Variants in NELL1 observed in about 807,000 individuals in gnomAD.
NELL1 encodes the protein neural EGFL like 1, also known as protein kinase C-binding protein NELL1.
Under a neutral mutation model 107.4 loss-of-function variants are expected in NELL1, and 76 were observed. The ratio of observed to expected loss-of-function variants is 0.71; its 90% CI spans 0.59 to 0.86. The LOEUF is 0.86. Ranked by LOEUF, NELL1 falls within the 40% of genes least tolerant of loss-of-function variation. NELL1 has a pLI of 0.00. For synonymous variants in NELL1, 353 were observed against 341.2 expected (o/e 1.03, Z -0.38); for missense variants, 1,024 against 1,005.5 (o/e 1.02, Z -0.25).
intron 3 of NELL1, among the ~76,000 whole-genome samples, chr11:20,809,442 C>T (rs1857452967): frequency 1.3e-5 from 2 of 151,984 alleles, no homozygotes; most frequent in African/African-American, 4.8e-5. Flanking sequence ...TTTAGTTATC[C>T]AACTATAAAA....
chr11:20,880,524 G>A (rs758354391), intron 4 of NELL1, among the ~76,000 whole-genome samples: 65 of 152,138 alleles, frequency 4.3e-4, no homozygotes, highest in Admixed American at 5.2e-4. Context: ...ACTGCGATAC[G>A]AACCCAAACA....
chr11:21,099,795 A>G (rs1854759062), intron 12 of NELL1, among the ~76,000 whole-genome samples: 1 of 152,148 alleles, frequency 6.6e-6, no homozygotes. Context: ...CAGCTATGTG[A>G]CATTCAGCTA....
chr11:20,975,493 A>G (rs1851586735), intron 12 of NELL1, among the ~76,000 whole-genome samples: 1 of 147,352 alleles, frequency 6.8e-6, no homozygotes, highest in Non-Finnish European at 1.5e-5. Flanking sequence ...ATATAGCTAC[A>G]TATTCAATAT....
At chr11:20,819,283 TA>T (rs1451388516) in intron 3 of NELL1, among the ~76,000 whole-genome samples, 3 of 152,136 alleles carry the variant, frequency 2.0e-5, no homozygotes, top group Non-Finnish European at 4.4e-5. Flanking sequence ...CCCCTGAACA[TA>T]GTGGAACAGG....
chr11:21,542,254 A>G (rs544627011), intron 16 of NELL1, among the ~76,000 whole-genome samples: 5 of 152,186 alleles, frequency 3.3e-5, no homozygotes, highest in Admixed American at 2.6e-4. Context: ...CGCAGCTGAT[A>G]AATGGCACAC....
chr11:21,130,305 G>A (rs1387226563), intron 13 of NELL1, among the ~76,000 whole-genome samples: 1 of 152,078 alleles, frequency 6.6e-6, no homozygotes, highest in African/African-American at 2.4e-5. Context: ...TCTGGGTCAT[G>A]GCTGTCTTCC....
At chr11:20,815,616 T>A (rs1350391214) in intron 3 of NELL1, among the ~76,000 whole-genome samples, 5 of 152,198 alleles carry the variant, frequency 3.3e-5, no homozygotes, top group Non-Finnish European at 7.3e-5. Flanking sequence ...TCTTTTACGC[T>A]GTTAATAGTT....
chr11:21,300,855 T>G (rs1849476923), intron 14 of NELL1, among the ~76,000 whole-genome samples: 7 of 151,892 alleles, frequency 4.6e-5, no homozygotes, highest in Admixed American at 3.3e-4. Context: ...CTGTACCCAT[T>G]AACTTGTCTT....
chr11:21,468,349 C>A (rs940856038), intron 15 of NELL1, among the ~76,000 whole-genome samples: 31 of 151,898 alleles, frequency 2.0e-4, no homozygotes, highest in Non-Finnish European at 5.9e-5. Context: ...AATTATGCAT[C>A]CTTAGTTATA....
intron 16 of NELL1, among the ~76,000 whole-genome samples, chr11:21,551,479 C>T (rs1447567730): frequency 1.3e-5 from 2 of 151,328 alleles, no homozygotes; most frequent in South Asian, 2.1e-4. Flanking sequence ...GCTGTAAGGA[C>T]ATGAACAGAC....
chr11:21,464,663 T>C (rs1156392071), intron 15 of NELL1, among the ~76,000 whole-genome samples: 1 of 152,116 alleles, frequency 6.6e-6, no homozygotes, highest in Non-Finnish European at 1.5e-5. Flanking sequence ...ATGTTGAGGC[T>C]GGCTGCATTG....
In NELL1 at chr11:20,849,296, T is replaced by G. The variant is rs80114930; in HGVS notation, c.506+1543T>G. Among the ~76,000 whole-genome samples, 588 of 152,374 alleles carry G rather than the reference T, an allele frequency of 3.9e-3. 6 individuals carry two copies. Among genetic ancestry groups the G allele is most frequent in the African/African-American group, 0.013 (558 of 41,588 alleles). On this transcript the variant is annotated intron_variant, in intron 4 of 19. Coordinates refer to ENST00000357134, the MANE Select transcript of NELL1 (RefSeq NM_006157.5). ...TTTTCTTGCTATGCAGTTTTTTGTTTCTTCCTTCTAAGAGTTTTACTCTGT... is the reference window on the plus strand; with the variant it reads ...TTTTCTTGCTATGCAGTTTTTTGTTGCTTCCTTCTAAGAGTTTTACTCTGT...
At chr11:20,927,513 C>A in intron 8 of NELL1, 71 bp downstream of exon 8, 2 of 1,423,656 alleles carry the variant, frequency 1.4e-6, no homozygotes, top group Non-Finnish European at 1.9e-6. Context: ...AGAGTGTAAC[C>A]TGGTTCTTTA....
chr11:21,117,947 T>C (rs2133736639), intron 13 of NELL1, among the ~76,000 whole-genome samples: 1 of 152,060 alleles, frequency 6.6e-6, no homozygotes, highest in African/African-American at 2.4e-5. Context: ...CCTGGAATGG[T>C]AGAGGACCAG....
At chr11:21,016,919 T>C (rs1240691614) in intron 12 of NELL1, among the ~76,000 whole-genome samples, 1 of 152,118 alleles carries the variant, frequency 6.6e-6, no homozygotes, top group Non-Finnish European at 1.5e-5. Flanking sequence ...CTGGCTCCAC[T>C]TTTTATGAGC....
chr11:21,512,422 A>C (rs73469186), intron 15 of NELL1, among the ~76,000 whole-genome samples: 16,895 of 152,170 alleles, frequency 0.11, 3,138 homozygotes, highest in African/African-American at 0.39. Flanking sequence ...ATATTTTATT[A>C]TTAGGGAGAA....
At chr11:21,298,164 C>G (rs1849412013) in intron 14 of NELL1, among the ~76,000 whole-genome samples, 2 of 151,948 alleles carry the variant, frequency 1.3e-5, no homozygotes, top group Admixed American at 6.6e-5. Flanking sequence ...TTCAATGATA[C>G]TCTTTACATT....
intron 12 of NELL1, among the ~76,000 whole-genome samples, chr11:21,071,163 C>T (rs1854004761): frequency 6.6e-6 from 1 of 152,072 alleles, no homozygotes; most frequent in South Asian, 2.1e-4. Context: ...TTTGGGGCCT[C>T]AGTTTTATTA....
chr11:21,478,190 C>T (rs1221382667), intron 15 of NELL1, among the ~76,000 whole-genome samples: 1 of 152,052 alleles, frequency 6.6e-6, no homozygotes, highest in Non-Finnish European at 1.5e-5. Context: ...ACCATCAGAT[C>T]TCCTGATAAA....
Sources: gnomAD v4.1 joint callset for allele counts (sites outside exome capture counted in the v4.1 genomes callset) on GRCh38, gnomAD v4.1.1 for gene constraint, MANE v1.5 for transcripts, NCBI Gene and HGNC (gene_info 2026-07-23, HGNC 2026-07-21) for gene names.